The following SLAIN1 variants were observed in gnomAD, a reference collection of about 807,000 sequenced individuals.
SLAIN1 encodes the protein SLAIN family member 1.
Under a neutral mutation model 55.4 loss-of-function variants are expected in SLAIN1, and 17 were observed. The observed-to-expected ratio is 0.31, with a 90% CI of 0.21 to 0.46. SLAIN1 has a LOEUF of 0.46. Among genes scored for constraint, SLAIN1 ranks in the 20% least tolerant of loss-of-function variants. SLAIN1 has a pLI of 1.00. For missense variants in SLAIN1, 682 were observed against 785.1 expected (o/e 0.87, Z 1.57); for synonymous variants, 348 against 337.4 (o/e 1.03, Z -0.35).
chr13:77,697,908 C>T lies in SLAIN1; in HGVS notation c.-6C>T. 7.2e-7 allele frequency: 1 copy of T among 1,389,182 alleles called. No individual in the cohort carries two copies. The highest frequency in any genetic ancestry group is 9.4e-7 in the Non-Finnish European group (1 of 1,062,092). 86.1% of individuals were successfully genotyped at this position (1,389,182 alleles called of 1,614,324 possible). ...CCCGGCGGCCGCGGCGCCCTCGGGG[C>T]CCACGATGATGGCGGAGCAGGTGAA... is the stretch of plus-strand genomic sequence containing the variant. On this transcript the variant is annotated 5_prime_UTR_variant, in exon 1 of 7. Coordinates refer to ENST00000418532, the MANE Select transcript of SLAIN1 (RefSeq NM_001242868.2).
At chr13:77,753,452 G>A (rs1304252879) in intron 5 of SLAIN1, 94 bp downstream of exon 5, 3 of 729,172 alleles carry the variant, frequency 4.1e-6, no homozygotes, top group Non-Finnish European at 5.5e-6. Context: ...TTATTTCTTT[G>A]TATTTACTTG....
At chr13:77,699,252 TA>T (rs1047412986) in intron 1 of SLAIN1, 11 of 372,180 alleles carry the variant, frequency 3.0e-5, no homozygotes, top group East Asian at 4.1e-5. Context: ...TTTATTTATT[TA>T]TTTTTTTACC....
chr13:77,700,840 C>T (rs2154409128), intron 1 of SLAIN1, among the ~76,000 whole-genome samples: 1 of 152,210 alleles, frequency 6.6e-6, no homozygotes, highest in South Asian at 2.1e-4. Context: ...ACAAGTTTTA[C>T]ATGCTCATTG....
chr13:77,724,003 A>G (rs2154409806), intron 2 of SLAIN1, among the ~76,000 whole-genome samples: 1 of 151,734 alleles, frequency 6.6e-6, no homozygotes, highest in East Asian at 1.9e-4. Context: ...ACCAGGTACC[A>G]TTGTAGGTGA....
intron 5 of SLAIN1, among the ~76,000 whole-genome samples, chr13:77,760,522 C>T (rs562206105): frequency 7.2e-5 from 11 of 152,194 alleles, no homozygotes; most frequent in African/African-American, 1.7e-4. Flanking sequence ...AGCAAGCAAA[C>T]GGGGAAGACT....
chr13:77,713,109 A>G (rs2091169657), intron 1 of SLAIN1, among the ~76,000 whole-genome samples: 1 of 152,222 alleles, frequency 6.6e-6, no homozygotes, highest in Non-Finnish European at 1.5e-5. Flanking sequence ...TAAAAACCCT[A>G]GAAGAAAACC....
chr13:77,760,785 A>T (rs965089005), intron 5 of SLAIN1, 43 bp from the exon 6 acceptor site: 2 of 1,595,942 alleles, frequency 1.3e-6, no homozygotes, highest in Non-Finnish European at 1.7e-6. Context: ...TAAGTCGGAT[A>T]GTGGTAGAAG....
rs193296898 is a variant in SLAIN1 at position 77,743,318 on chromosome 13, C to G, written c.767-965C>G. ...TACTTTGGGTACAAAAGGCCTAGCA[C>G]TAATTTGTACTCTAACACCATTGAT... On this transcript the variant is annotated intron_variant, in intron 2 of 6. Coordinates refer to ENST00000418532, the MANE Select transcript of SLAIN1 (RefSeq NM_001242868.2). The G allele has an allele frequency of 4.6e-4, 198 of 428,992 alleles. 2 individuals carry two copies. The highest frequency in any genetic ancestry group is 4.0e-3 in the African/African-American group (189 of 46,944). The allele number at this position is 428,992 out of a possible 1,614,324, so 26.6% of individuals were successfully genotyped here. A position where few individuals can be genotyped will look rare whatever the true frequency, so the allele number is the denominator to read the frequency against.
chr13:77,729,429 C>A (rs1210010564), intron 2 of SLAIN1, among the ~76,000 whole-genome samples: 1 of 152,036 alleles, frequency 6.6e-6, no homozygotes, highest in South Asian at 2.1e-4. Context: ...AATAGAGATT[C>A]TCCCAAAGTA....
chr13:77,762,868 A>T (rs565837161), intron 6 of SLAIN1, among the ~76,000 whole-genome samples: 1 of 152,302 alleles, frequency 6.6e-6, no homozygotes, highest in East Asian at 1.9e-4. Context: ...ATTTTAAAAT[A>T]TGTTTTATAC....
intron 1 of SLAIN1, among the ~76,000 whole-genome samples, chr13:77,716,123 GT>G (rs756094692): frequency 3.4e-4 from 48 of 142,718 alleles, no homozygotes; most frequent in South Asian, 1.3e-3. Flanking sequence ...TCAAAGTTTT[GT>G]TTTTTTTTTT....
intron 1 of SLAIN1, among the ~76,000 whole-genome samples, chr13:77,709,763 A>G (rs1049084895): frequency 1.3e-5 from 2 of 151,308 alleles, no homozygotes; most frequent in African/African-American, 4.9e-5. Context: ...AGCACTAAAT[A>G]TATTGTTGTT....
At chr13:77,712,714 A>G (rs971047095) in intron 1 of SLAIN1, among the ~76,000 whole-genome samples, 15 of 152,216 alleles carry the variant, frequency 9.9e-5, no homozygotes, top group Non-Finnish European at 2.9e-5. Context: ...AACTATTTCA[A>G]ATTTCATATG....
At chr13:77,763,062 G>A in intron 6 of SLAIN1, 83 bp from the exon 7 acceptor site, 4 of 1,164,314 alleles carry the variant, frequency 3.4e-6, no homozygotes. Context: ...GAAGAACATA[G>A]ATGGGAGAGT....
At chr13:77,753,174 A>G (rs1874358531) in intron 4 of SLAIN1, 29 bp from the exon 5 acceptor site, 2 of 1,560,876 alleles carry the variant, frequency 1.3e-6, no homozygotes, top group Non-Finnish European at 1.7e-6. Flanking sequence ...AACATCTGTC[A>G]TTTTTAACTT....
chr13:77,743,210 T>C (rs1038747350), intron 2 of SLAIN1: 5 of 1,260,560 alleles, frequency 4.0e-6, no homozygotes, highest in Non-Finnish European at 5.2e-6. Flanking sequence ...TGTAATTCAG[T>C]TACTAAACAC....
chr13:77,746,934 T>G (rs1873869370), intron 4 of SLAIN1, 79 bp downstream of exon 4: 1 of 1,308,034 alleles, frequency 7.6e-7, no homozygotes. Flanking sequence ...TGTGTTTTTG[T>G]TTTTGTTTTT....
At chr13:77,748,903 A>G (rs922740137) in intron 4 of SLAIN1, among the ~76,000 whole-genome samples, 1 of 152,152 alleles carries the variant, frequency 6.6e-6, no homozygotes, top group African/African-American at 2.4e-5. Context: ...TCTGGTACAC[A>G]TTTTCTCCAC....
chr13:77,717,269 T>C (rs2091217012), intron 1 of SLAIN1, among the ~76,000 whole-genome samples: 2 of 152,168 alleles, frequency 1.3e-5, no homozygotes, highest in Admixed American at 6.5e-5. Flanking sequence ...ATGTGTGATA[T>C]TGGCCGTTAG....
Sources: gnomAD v4.1 joint callset for allele counts (sites outside exome capture counted in the v4.1 genomes callset) on GRCh38, gnomAD v4.1.1 for gene constraint, MANE v1.5 for transcripts, NCBI Gene and HGNC (gene_info 2026-07-23, HGNC 2026-07-21) for gene names.